ZFHX3: variants seen among roughly 807,000 people sequenced by gnomAD.
The protein encoded by ZFHX3 is zinc finger homeobox protein 3.
In ZFHX3, 42 loss-of-function variants were observed where a neutral mutation model predicts 279.1. The ratio of observed to expected loss-of-function variants is 0.15; its 90% CI spans 0.12 to 0.19. ZFHX3 has a LOEUF of 0.19. Ranked by LOEUF, ZFHX3 falls within the 10% of genes least tolerant of loss-of-function variation. The pLI, the probability that ZFHX3 is intolerant of heterozygous loss-of-function variation, is 1.00. For missense variants in ZFHX3, 4,981 were observed against 4,754.0 expected (o/e 1.05, Z -1.40); for synonymous variants, 2,293 against 1,957.8 (o/e 1.17, Z -4.52).
intron 5 of ZFHX3, among the ~76,000 whole-genome samples, chr16:73,225,906 T>C (rs1330832156): frequency 6.6e-6 from 1 of 152,166 alleles, no homozygotes; most frequent in Non-Finnish European, 1.5e-5. Flanking sequence ...CGACACCTAC[T>C]ACACTCCACA....
rs796115962 is a variant in ZFHX3, at chr16:73,597,830, T to C, written c.-1547+82350A>G. Among the ~76,000 whole-genome samples the C allele has an allele frequency of 1.1e-4, 16 of 152,340 alleles. 1 individual carries two copies. The highest frequency in any genetic ancestry group is 3.8e-4 in the African/African-American group (16 of 41,572). On this transcript the variant is annotated intron_variant, in intron 2 of 17. Coordinates refer to the ZFHX3 transcript ENST00000641206. ...CTTTAAATCACATAGTTCATGCTGA[T>C]GTAGTACAGCAAACCTGGGAAGCTA...
At chr16:73,184,313 C>T (rs1022996410) in intron 5 of ZFHX3, among the ~76,000 whole-genome samples, 1 of 152,210 alleles carries the variant, frequency 6.6e-6, no homozygotes. Flanking sequence ...CACCTGCAGA[C>T]CTTTGCAGCC....
Position 73,713,390 on chromosome 16 carries a change from CTG to C in ZFHX3, c.-1607-33152_-1607-33151del, listed in dbSNP as rs1230641711. Among the ~76,000 whole-genome samples the C allele has an allele frequency of 8.5e-5, 13 of 152,272 alleles. No individual in the cohort carries two copies. In the East Asian group the frequency reaches 2.5e-3, roughly 29 times the overall value. On this transcript the variant is annotated intron_variant, in intron 1 of 17. Transcript: ENST00000641206. ...GGTCTTTCCCCAGCAGACACACTGA[CTG>C]TTTTTATTCTTTATTCAGTTTATAA... is the stretch of plus-strand genomic sequence containing the variant.
chr16:73,475,768 A>G (rs115807158), intron 2 of ZFHX3, among the ~76,000 whole-genome samples: 2,126 of 152,070 alleles, frequency 0.014, 59 homozygotes, highest in African/African-American at 0.049. Flanking sequence ...CCAATTTTCT[A>G]TTTTTTCAGA....
Position 73,735,382 on chromosome 16 carries a change from T to TA in ZFHX3, c.-1607-55143dup, listed in dbSNP as rs1310717929. ...ATAAAGCAAGTTCCATGTGTGCTTC[T>TA]AAAAAAAAAAAAAAAAAAAAGAACT... is the stretch of plus-strand genomic sequence containing the variant. On this transcript the variant is annotated intron_variant, in intron 1 of 17. Coordinates refer to the ZFHX3 transcript ENST00000641206. Among the ~76,000 whole-genome samples, 682 of 102,236 alleles carry TA rather than the reference T, an allele frequency of 6.7e-3. 4 individuals carry two copies. Among genetic ancestry groups the TA allele is most frequent in the East Asian group, 0.012 (44 of 3,568 alleles). The allele number at this position is 102,236 out of a possible 152,430, so 67.1% of individuals were successfully genotyped here.
chr16:72,912,752 G>C (rs983793158), intron 3 of ZFHX3, among the ~76,000 whole-genome samples: 31 of 152,124 alleles, frequency 2.0e-4, no homozygotes, highest in Middle Eastern at 6.8e-3. Flanking sequence ...TTTAGACAGA[G>C]TCTCCCTCTG....
At chr16:73,131,638 A>G (rs139107160) in intron 6 of ZFHX3, among the ~76,000 whole-genome samples, 3 of 152,342 alleles carry the variant, frequency 2.0e-5, no homozygotes, top group Middle Eastern at 3.4e-3. Flanking sequence ...GGGCGAAAGC[A>G]TCAAAGGAGC....
intron 1 of ZFHX3, among the ~76,000 whole-genome samples, chr16:72,997,606 C>G (rs1012967946): frequency 4.6e-5 from 7 of 152,174 alleles, no homozygotes; most frequent in African/African-American, 1.7e-4. Flanking sequence ...TCATCTCCCC[C>G]CAGACTTATT....
intron 3 of ZFHX3, among the ~76,000 whole-genome samples, chr16:73,343,395 G>A (rs2016070284): frequency 6.6e-6 from 1 of 152,146 alleles, no homozygotes; most frequent in Non-Finnish European, 1.5e-5. Context: ...AGCTGATCCT[G>A]AACATCTTGC....
intron 3 of ZFHX3, among the ~76,000 whole-genome samples, chr16:73,350,440 G>A (rs1050045664): frequency 5.3e-5 from 8 of 152,172 alleles, no homozygotes; most frequent in Admixed American, 2.0e-4. Flanking sequence ...CATTTTATGT[G>A]TCATTAAAAG....
chr16:72,947,043 G>A (rs1567598404), intron 3 of ZFHX3, among the ~76,000 whole-genome samples: 1 of 152,218 alleles, frequency 6.6e-6, no homozygotes, highest in African/African-American at 2.4e-5. Context: ...TCCCAAGACG[G>A]TAAATGTTAG....
intron 3 of ZFHX3, among the ~76,000 whole-genome samples, chr16:73,455,277 T>G (rs2018352152): frequency 6.6e-6 from 1 of 152,194 alleles, no homozygotes; most frequent in African/African-American, 2.4e-5. Flanking sequence ...ACTTTACATT[T>G]GCATTCTCAG....
chr16:73,768,886 G>T (rs749610693), intron 1 of ZFHX3, among the ~76,000 whole-genome samples: 4 of 152,118 alleles, frequency 2.6e-5, no homozygotes, highest in Non-Finnish European at 5.9e-5. Context: ...TTCCAGCTGA[G>T]GGAAAGGAAG....
chr16:73,862,829 G>A (rs985305753), intron 1 of ZFHX3, among the ~76,000 whole-genome samples: 10 of 152,018 alleles, frequency 6.6e-5, no homozygotes, highest in Admixed American at 5.2e-4. Context: ...ATCTCAACCC[G>A]TTAGCCTGAC....
At chr16:73,373,831 T>C (rs955664700) in intron 3 of ZFHX3, among the ~76,000 whole-genome samples, 2 of 152,202 alleles carry the variant, frequency 1.3e-5, no homozygotes, top group Non-Finnish European at 2.9e-5. Context: ...CTGGAAATTT[T>C]GAGTTAACCC....
intron 3 of ZFHX3, among the ~76,000 whole-genome samples, chr16:73,359,794 C>T (rs1329766752): frequency 6.6e-6 from 1 of 152,178 alleles, no homozygotes; most frequent in African/African-American, 2.4e-5. Context: ...GTCAAGGGAA[C>T]ATTGATTTCC....
intron 1 of ZFHX3, among the ~76,000 whole-genome samples, chr16:73,746,674 G>A (rs2053706363): frequency 1.3e-5 from 2 of 152,158 alleles, no homozygotes; most frequent in Admixed American, 6.5e-5. Context: ...TTAGATAATG[G>A]CATGATTCTG....
intron 1 of ZFHX3, among the ~76,000 whole-genome samples, chr16:72,982,264 G>T (rs898135946): frequency 2.6e-5 from 4 of 152,018 alleles, no homozygotes; most frequent in Non-Finnish European, 5.9e-5. Context: ...CGATTTTACA[G>T]GTTTAAAAAA....
chr16:73,627,222 C>T (rs2142143373), intron 2 of ZFHX3, among the ~76,000 whole-genome samples: 1 of 152,268 alleles, frequency 6.6e-6, no homozygotes, highest in Admixed American at 6.5e-5. Flanking sequence ...ACTCCACGTG[C>T]TCCAAACTGT....
Sources: gnomAD v4.1 joint callset for allele counts (sites outside exome capture counted in the v4.1 genomes callset) on GRCh38, gnomAD v4.1.1 for gene constraint, MANE v1.5 for transcripts, NCBI Gene and HGNC (gene_info 2026-07-23, HGNC 2026-07-21) for gene names.